Variants in PALLD observed in about 807,000 individuals in gnomAD.
The protein encoded by PALLD is palladin, cytoskeletal associated protein.
Under a neutral mutation model 123.5 loss-of-function variants are expected in PALLD, and 61 were observed. That is an observed-to-expected ratio of 0.49 (90% confidence interval 0.40 to 0.61). The LOEUF (loss-of-function observed/expected upper bound fraction) is 0.61, where lower values mean the gene tolerates loss of function less well. Ranked by LOEUF, PALLD falls within the 20% of genes least tolerant of loss-of-function variation. The pLI, the probability that PALLD is intolerant of heterozygous loss-of-function variation, is 0.00. For missense variants in PALLD, 1,273 were observed against 1,377.0 expected (o/e 0.92, Z 1.20); for synonymous variants, 465 against 496.4 (o/e 0.94, Z 0.84).
intron 2 of PALLD, among the ~76,000 whole-genome samples, chr4:168,632,289 C>T (rs1775911971): frequency 6.6e-6 from 1 of 152,004 alleles, no homozygotes. Flanking sequence ...TGTATTTTCT[C>T]TAATTACTTT....
At chr4:168,913,719 CCTTCAAGTTCTT>C (rs1759522395) in intron 15 of PALLD, among the ~76,000 whole-genome samples, 196 bp from the exon 16 acceptor site, 1 of 151,910 alleles carries the variant, frequency 6.6e-6, no homozygotes, top group Admixed American at 6.6e-5. Context: ...GACCTTGTCA[CCTTCAAGTTCTT>C]CAAGTAAAAA....
chr4:168,819,641 AT>A (rs1446703495), intron 10 of PALLD, among the ~76,000 whole-genome samples: 101 of 152,364 alleles, frequency 6.6e-4, no homozygotes, highest in African/African-American at 2.3e-3. Flanking sequence ...AGAACTCCAA[AT>A]GATTAGAAAG....
At chr4:168,891,159 C>T in intron 11 of PALLD, 102 bp downstream of exon 11, 4 of 1,136,784 alleles carry the variant, frequency 3.5e-6, no homozygotes, top group South Asian at 1.3e-5. Context: ...ACAACATCAT[C>T]ATTATTATTA....
At chr4:168,513,343 T>C (rs1762704102) in intron 2 of PALLD, among the ~76,000 whole-genome samples, 1 of 152,202 alleles carries the variant, frequency 6.6e-6, no homozygotes, top group Non-Finnish European at 1.5e-5. Context: ...GAAGGGAGTA[T>C]GCACTTAGAG....
intron 10 of PALLD, among the ~76,000 whole-genome samples, chr4:168,870,007 T>C (rs1398116798): frequency 1.3e-5 from 2 of 152,174 alleles, no homozygotes; most frequent in South Asian, 2.1e-4. Context: ...AAAGATGGAG[T>C]GGGTGAGCCC....
Position 168,729,746 on chromosome 4 carries a change from C to T in PALLD, c.1964+17823C>T, listed in dbSNP as rs573766783. Among the ~76,000 whole-genome samples the T allele has an allele frequency of 3.9e-5, 6 of 152,298 alleles. No individual in the cohort carries two copies. In the South Asian group the frequency reaches 1.2e-3, roughly 32 times the overall value. ...TTACCAGAAGCACATTCTCCAGTAG[C>T]TTCCAAAGAAAGGGTACAGACCACA... On this transcript the variant is annotated intron_variant, in intron 10 of 21. Coordinates refer to ENST00000505667, the MANE Select transcript of PALLD (RefSeq NM_001166108.2).
At chr4:168,921,458 A>G in intron 17 of PALLD, 76 bp from the exon 18 acceptor site, 1 of 863,152 alleles carries the variant, frequency 1.2e-6, no homozygotes, top group South Asian at 1.4e-5. Context: ...GGAGGAATTT[A>G]TGCAGACTTC....
At chr4:168,810,798 G>A (rs1474520648) in intron 10 of PALLD, among the ~76,000 whole-genome samples, 1 of 142,012 alleles carries the variant, frequency 7.0e-6, no homozygotes, top group Non-Finnish European at 1.5e-5. Flanking sequence ...CTGGGCGACA[G>A]AGCGAGACTC....
At chr4:168,865,855 T>G (rs530299359) in intron 10 of PALLD, among the ~76,000 whole-genome samples, 1 of 152,110 alleles carries the variant, frequency 6.6e-6, no homozygotes, top group Non-Finnish European at 1.5e-5. Context: ...TGCAAAGATA[T>G]GAAAGAAAGA....
chr4:168,545,023 A>G (rs1401180020), intron 2 of PALLD, among the ~76,000 whole-genome samples: 3 of 152,210 alleles, frequency 2.0e-5, no homozygotes, highest in Admixed American at 6.5e-5. Context: ...AGCAACTTCA[A>G]TCCTTGGAAT....
intron 6 of PALLD, among the ~76,000 whole-genome samples, chr4:168,686,431 G>C (rs963783577): frequency 6.6e-6 from 1 of 152,124 alleles, no homozygotes; most frequent in Non-Finnish European, 1.5e-5. Flanking sequence ...CGGTGTCCAT[G>C]TGTTCTCATT....
chr4:168,898,603 T>C lies in PALLD; in HGVS notation c.2361T>C (p.Pro787=), dbSNP rs1560881726. The C allele has an allele frequency of 1.9e-6, 3 of 1,613,670 alleles. No individual in the cohort carries two copies. The highest frequency in any genetic ancestry group is 2.2e-5 in the East Asian group (1 of 44,880). Residue 787 remains proline (P), a synonymous_variant, in exon 14 of 22, where the codon CCT becomes CCC. Coordinates refer to ENST00000505667, the MANE Select transcript of PALLD (RefSeq NM_001166108.2). ...SGDEVQYGDV[P]VENGMAPFFE... ...ATGAAGTTCAGTATGGAGATGTGCC[T>C]GTGGAAAATGGAATGGCACCATTCT...
At chr4:168,661,653 G>A (rs145212966) in intron 2 of PALLD, among the ~76,000 whole-genome samples, 38 of 152,302 alleles carry the variant, frequency 2.5e-4, no homozygotes, top group African/African-American at 8.7e-4. Flanking sequence ...CTCCTTGTTT[G>A]TGTGGCAATT....
At chr4:168,862,564 G>A (rs188719983) in intron 10 of PALLD, among the ~76,000 whole-genome samples, 4 of 152,252 alleles carry the variant, frequency 2.6e-5, no homozygotes, top group East Asian at 1.9e-4. Flanking sequence ...TGTTGATTGC[G>A]CTCTCTCATA....
At chr4:168,916,536 T>C (rs1322797954) in intron 17 of PALLD, among the ~76,000 whole-genome samples, 1 of 152,178 alleles carries the variant, frequency 6.6e-6, no homozygotes, top group African/African-American at 2.4e-5. Flanking sequence ...TACATGACAT[T>C]ACTCTAGAAA....
At chr4:168,552,040 C>T (rs1405716183) in intron 2 of PALLD, among the ~76,000 whole-genome samples, 1 of 152,120 alleles carries the variant, frequency 6.6e-6, no homozygotes, top group Non-Finnish European at 1.5e-5. Flanking sequence ...ACATTAAATA[C>T]ATTAGGTAAA....
intron 2 of PALLD, among the ~76,000 whole-genome samples, chr4:168,593,440 A>AAAAAAAG (rs3035644): frequency 0.17 from 23,312 of 140,732 alleles, 2,277 homozygotes; most frequent in East Asian, 0.34. Context: ...ACCAGGCAAA[A>AAAAAAAG]AAAAAAGAAA....
rs550220371 is a variant in PALLD, at chr4:168,610,331, G to A, written c.909-57859G>A. On this transcript the variant is annotated intron_variant, in intron 2 of 21. Coordinates refer to ENST00000505667, the MANE Select transcript of PALLD (RefSeq NM_001166108.2). ...AGGGCTAGAAGCCAGGGCCTCCATCGGTCCCCTTCCTAGAGGGCCATTTCA... is the reference window on the plus strand; with the variant it reads ...AGGGCTAGAAGCCAGGGCCTCCATCAGTCCCCTTCCTAGAGGGCCATTTCA... 5.9e-4 allele frequency among the ~76,000 whole-genome samples: 89 copies of A among 152,116 alleles called. 1 individual carries two copies. The highest frequency in any genetic ancestry group is 2.0e-3 in the Admixed American group (31 of 15,284).
chr4:168,664,974 T>A (rs1459001489), intron 2 of PALLD, among the ~76,000 whole-genome samples: 1 of 152,204 alleles, frequency 6.6e-6, no homozygotes, highest in Non-Finnish European at 1.5e-5. Context: ...CAGTTCAGGT[T>A]CCTCATCTGT....
Sources: gnomAD v4.1 joint callset for allele counts (sites outside exome capture counted in the v4.1 genomes callset) on GRCh38, gnomAD v4.1.1 for gene constraint, MANE v1.5 for transcripts, NCBI Gene and HGNC (gene_info 2026-07-23, HGNC 2026-07-21) for gene names.